Variants in IKZF3 observed in about 807,000 individuals in gnomAD.
IKZF3 encodes the protein IKAROS family zinc finger 3.
Under a neutral mutation model 49.0 loss-of-function variants are expected in IKZF3, and 10 were observed. That is an observed-to-expected ratio of 0.20 (90% CI 0.13 to 0.35). IKZF3 has a LOEUF of 0.35. IKZF3 is among the 10% of genes least tolerant of loss of function. The pLI, the probability that IKZF3 is intolerant of heterozygous loss-of-function variation, is 1.00. For synonymous variants in IKZF3, 209 were observed against 228.2 expected (o/e 0.92, Z 0.76); for missense variants, 498 against 664.8 (o/e 0.75, Z 2.76).
intron 7 of IKZF3, among the ~76,000 whole-genome samples, chr17:39,773,628 G>A (rs2060499800): frequency 6.6e-6 from 1 of 152,140 alleles, no homozygotes; most frequent in Non-Finnish European, 1.5e-5. Flanking sequence ...TTAAAATAAG[G>A]AGATGCTATG....
chr17:39,805,567 G>T (rs9941391), intron 3 of IKZF3, among the ~76,000 whole-genome samples: 3,630 of 152,152 alleles, frequency 0.024, 149 homozygotes, highest in African/African-American at 0.084. Flanking sequence ...CCCATCTCTG[G>T]TTCTTCCCTT....
At chr17:39,810,735 G>A (rs1476947299) in intron 3 of IKZF3, among the ~76,000 whole-genome samples, 1 of 151,790 alleles carries the variant, frequency 6.6e-6, no homozygotes, top group African/African-American at 2.4e-5. Context: ...ATACAATTGA[G>A]TAAAACAATA....
intron 3 of IKZF3, among the ~76,000 whole-genome samples, chr17:39,807,826 G>T (rs747227215): frequency 2.0e-5 from 3 of 152,018 alleles, no homozygotes; most frequent in Non-Finnish European, 4.4e-5. Context: ...GAAATACCCA[G>T]AAACAGTAAA....
Position 39,864,151 on chromosome 17 carries a change from T to C in IKZF3, c.-25A>G. On this transcript the variant is annotated 5_prime_UTR_variant, in exon 1 of 8. Coordinates refer to ENST00000346872, the MANE Select transcript of IKZF3 (RefSeq NM_012481.5). ...TGTCGCTGCCGGGCCGGGCTGGAGC[T>C]GCCGCTGTGGCTACTCGGCCTCTCC... 1.2e-6 allele frequency: 2 copies of C among 1,612,020 alleles called. No homozygotes were observed.
At chr17:39,795,074 A>G (rs1160990351) in intron 3 of IKZF3, among the ~76,000 whole-genome samples, 2 of 152,240 alleles carry the variant, frequency 1.3e-5, no homozygotes, top group African/African-American at 4.8e-5. Context: ...AAAATGTAGT[A>G]AGATCAATGT....
intron 1 of IKZF3, among the ~76,000 whole-genome samples, chr17:39,848,660 C>T (rs2062704632): frequency 1.3e-5 from 2 of 148,288 alleles, no homozygotes; most frequent in Admixed American, 1.4e-4. Context: ...ATTCTCATGA[C>T]CCTGGAGTAG....
intron 3 of IKZF3, among the ~76,000 whole-genome samples, chr17:39,824,960 G>C (rs1256119394): frequency 6.6e-6 from 1 of 152,158 alleles, no homozygotes; most frequent in Non-Finnish European, 1.5e-5. Flanking sequence ...CTCCCAAAGA[G>C]CTGGGATTAC....
chr17:39,794,682 C>G (rs2061119363), intron 3 of IKZF3, among the ~76,000 whole-genome samples: 1 of 152,170 alleles, frequency 6.6e-6, no homozygotes, highest in Non-Finnish European at 1.5e-5. Flanking sequence ...TTTGCCCACC[C>G]TATGGATCTG....
chr17:39,835,942 G>A, intron 1 of IKZF3: 1 of 645,788 alleles, frequency 1.5e-6, no homozygotes. Flanking sequence ...AGCTTCTCCT[G>A]GCCTAGAGTG....
At chr17:39,780,066 T>C (rs1211186436) in intron 6 of IKZF3, among the ~76,000 whole-genome samples, 1 of 152,066 alleles carries the variant, frequency 6.6e-6, no homozygotes, top group African/African-American at 2.4e-5. Context: ...TAGCTGGGCA[T>C]GTTGGCATGC....
chr17:39,789,339 C>T lies in IKZF3; in HGVS notation c.593-965G>A, dbSNP rs551175633. On this transcript the variant is annotated intron_variant, in intron 5 of 7. Coordinates refer to ENST00000346872, the MANE Select transcript of IKZF3 (RefSeq NM_012481.5). ...CAGCACTTTCGGAGGCCGAGGCAGG[C>T]GGATCACGAGGTGAGGAGTTCGAGA... Among the ~76,000 whole-genome samples, 11 of 152,098 alleles carry T rather than the reference C, an allele frequency of 7.2e-5. No homozygotes were observed. In the South Asian group the frequency reaches 1.9e-3, roughly 26 times the overall value.
intron 1 of IKZF3, among the ~76,000 whole-genome samples, chr17:39,843,440 A>G (rs1233344443): frequency 7.5e-6 from 1 of 132,498 alleles, no homozygotes; most frequent in African/African-American, 3.2e-5. Context: ...AACGGAGGGA[A>G]AAAAAAAAAG....
Position 39,864,061 on chromosome 17 carries a change from G to A in IKZF3, c.7+59C>T, listed in dbSNP as rs1038666217. The A allele has an allele frequency of 8.7e-6, 14 of 1,603,562 alleles. No individual in the cohort carries two copies. The African/African-American group carries it at 1.6e-4, about 18-fold the overall frequency. On this transcript the variant is annotated intron_variant, in intron 1 of 7. Coordinates refer to ENST00000346872, the MANE Select transcript of IKZF3 (RefSeq NM_012481.5). ...AGATTCAGAAGAAACTCTTTCTACT[G>A]CTTGCACAGGTTAAGTTTCTCAAAG... is the stretch of plus-strand genomic sequence containing the variant.
intron 3 of IKZF3, among the ~76,000 whole-genome samples, chr17:39,796,225 G>A (rs1003738338): frequency 6.6e-6 from 1 of 152,090 alleles, no homozygotes; most frequent in Non-Finnish European, 1.5e-5. Flanking sequence ...GAAAAGGGGT[G>A]TTCTACTTAG....
chr17:39,783,245 CAG>C (rs2060789524), intron 6 of IKZF3, among the ~76,000 whole-genome samples: 1 of 152,216 alleles, frequency 6.6e-6, no homozygotes, highest in Admixed American at 6.5e-5. Flanking sequence ...GTATCAAAGA[CAG>C]AGGCAGGTTC....
At chr17:39,850,939 G>GTATATTATACACA (rs1251065625) in intron 1 of IKZF3, among the ~76,000 whole-genome samples, 3 of 122,810 alleles carry the variant, frequency 2.4e-5, no homozygotes, top group African/African-American at 1.2e-4. Context: ...ATATATACGT[G>GTATATTATACACA]TATATATTAT....
chr17:39,769,425 GA>G (rs1231740171), intron 7 of IKZF3, among the ~76,000 whole-genome samples: 4 of 151,782 alleles, frequency 2.6e-5, no homozygotes, highest in Non-Finnish European at 5.9e-5. Flanking sequence ...ACCTGAGAGA[GA>G]AAAAAAATAT....
chr17:39,845,645 T>C (rs1162752955), intron 1 of IKZF3, among the ~76,000 whole-genome samples: 1 of 152,174 alleles, frequency 6.6e-6, no homozygotes, highest in Non-Finnish European at 1.5e-5. Context: ...AGAGACCATA[T>C]GACCTGCAAA....
intron 1 of IKZF3, among the ~76,000 whole-genome samples, chr17:39,837,090 T>G (rs562318711): frequency 1.2e-3 from 175 of 151,574 alleles, no homozygotes; most frequent in African/African-American, 4.0e-3. Context: ...CCACCATGCC[T>G]GGCTAATTTA....
Sources: allele counts gnomAD v4.1 joint callset (sites outside exome capture counted in the v4.1 genomes callset), GRCh38; gene constraint gnomAD v4.1.1; transcripts MANE v1.5; gene names NCBI Gene and HGNC (gene_info 2026-07-23, HGNC 2026-07-21).